Variants in ZNF284 observed in about 807,000 individuals in gnomAD.
ZNF284 encodes zinc finger protein 284.
In ZNF284, 12 loss-of-function variants were observed where a neutral mutation model predicts 12.9. That is an observed-to-expected ratio of 0.93 (90% CI 0.60 to 1.51). The LOEUF is 1.51. Ranked by LOEUF, ZNF284 falls within the 40% of genes most tolerant of loss-of-function variation. ZNF284 has a pLI of 0.00. For synonymous variants in ZNF284, 225 were observed against 236.5 expected (o/e 0.95, Z 0.45); for missense variants, 667 against 707.3 (o/e 0.94, Z 0.65).
intron 4 of ZNF284, among the ~76,000 whole-genome samples, chr19:44,085,054 C>T (rs1371080967): frequency 1.3e-5 from 2 of 152,158 alleles, no homozygotes; most frequent in Non-Finnish European, 2.9e-5. Flanking sequence ...AGGAGCCTTT[C>T]CCGGCTTTCA....
intron 1 of ZNF284, among the ~76,000 whole-genome samples, chr19:44,074,931 C>T (rs975705321): frequency 2.0e-5 from 3 of 152,112 alleles, no homozygotes; most frequent in African/African-American, 7.2e-5. Flanking sequence ...ACCTGGGAGG[C>T]AGAGGCTGCA....
chr19:44,081,390 G>A (rs1967120930), intron 3 of ZNF284, among the ~76,000 whole-genome samples: 1 of 152,098 alleles, frequency 6.6e-6, no homozygotes. Context: ...AAGAAGTGCC[G>A]AGCAAAGGGG....
chr19:44,086,047 T>C lies in ZNF284; in HGVS notation c.569T>C (p.Leu190Pro), dbSNP rs2147509148. 1 of 1,614,178 alleles carries C rather than the reference T, an allele frequency of 6.2e-7. No individual in the cohort carries two copies. The highest frequency in any genetic ancestry group is 1.7e-5 in the Admixed American group (1 of 60,030). The change falls in exon 5 of 5, where the codon CTT (leucine) becomes CCT (proline). Residue 190 changes from leucine (L) to proline (P), a missense_variant. By Grantham distance (98) the Leu-to-Pro change is moderately conservative. Transcript: ENST00000421176. ...YRKRFCYSSA[L>P]CLHQKVHMGE... ...AAGAGATTCTGTTATAGCTCAGCTCTTTGTCTTCATCAGAAAGTTCACATG... is the reference window on the plus strand; with the variant it reads ...AAGAGATTCTGTTATAGCTCAGCTCCTTGTCTTCATCAGAAAGTTCACATG...
chr19:44,083,474 T>TATATATATATATAGAGAGAGAGAGAG (rs746837013), intron 4 of ZNF284, among the ~76,000 whole-genome samples: 1 of 64,926 alleles, frequency 1.5e-5, no homozygotes, highest in Non-Finnish European at 3.4e-5. Context: ...TATATATATA[T>TATATATATATATAGAGAGAGAGAGAG]AGAGAGAGAG....
chr19:44,083,474 T>TATATATATATATATATAGAGAGAGAG (rs746837013), intron 4 of ZNF284, among the ~76,000 whole-genome samples: 1 of 64,924 alleles, frequency 1.5e-5, no homozygotes, highest in Non-Finnish European at 3.4e-5. Context: ...TATATATATA[T>TATATATATATATATATAGAGAGAGAG]AGAGAGAGAG....
chr19:44,083,157 G>A (rs73932780), intron 4 of ZNF284, among the ~76,000 whole-genome samples: 2,153 of 152,028 alleles, frequency 0.014, 42 homozygotes, highest in African/African-American at 0.049. Context: ...AATACCAGCC[G>A]GGCGTGGTGG....
rs776139905 is a variant in ZNF284, at chr19:44,087,119, C to T, written c.1641C>T (p.Ser547=). Residue 547 remains serine (S), a synonymous_variant, in exon 5 of 5, where the codon AGC becomes AGT. Transcript: ENST00000421176. ...TCCAATGTGAGGATTGTGGGAAGAGCAGTGAGCACAGTTCATGCCTTCAAG... is the reference window on the plus strand; with the variant it reads ...TCCAATGTGAGGATTGTGGGAAGAGTAGTGAGCACAGTTCATGCCTTCAAG... ...KLFQCEDCGK[S]SEHSSCLQDQ... 8 of 1,614,006 alleles carry T rather than the reference C, an allele frequency of 5.0e-6. No individual in the cohort carries two copies. The African/African-American group carries it at 8.0e-5, about 16-fold the overall frequency.
rs1360472412 is a variant in ZNF284 at position 44,079,564 on chromosome 19, CCGGGTG to C, written c.16-1450_16-1445del. 1.2e-3 allele frequency among the ~76,000 whole-genome samples: 182 copies of C among 151,792 alleles called. 1 individual carries two copies. The highest frequency in any genetic ancestry group is 2.1e-3 in the Non-Finnish European group (140 of 67,672). On this transcript the variant is annotated intron_variant, in intron 2 of 4. Transcript: ENST00000421176. ...CTCTACTAAAAATACAAAACATTAGCCGGGTGTGGTGGTGGGCGCCTGTAGTCCCAG... is the reference window on the plus strand; with the variant it reads ...CTCTACTAAAAATACAAAACATTAGCTGGTGGTGGGCGCCTGTAGTCCCAG...
chr19:44,084,642 A>G (rs1275697815), intron 4 of ZNF284, among the ~76,000 whole-genome samples: 2 of 152,110 alleles, frequency 1.3e-5, no homozygotes, highest in African/African-American at 4.8e-5. Flanking sequence ...TTCACGGCCC[A>G]TTCCCTAGAG....
Position 44,086,226 on chromosome 19 carries a change from T to C in ZNF284, c.748T>C (p.Cys250Arg). 1 of 1,614,202 alleles carries C rather than the reference T, an allele frequency of 6.2e-7. No homozygotes were observed. The highest frequency in any genetic ancestry group is 8.5e-7 in the Non-Finnish European group (1 of 1,180,038). Residue 250 changes from cysteine to arginine, a missense_variant, in exon 5 of 5, where the codon TGC becomes CGC. Physicochemically the swap from Cys to Arg is radical, Grantham distance 180. Transcript: ENST00000421176. Reference sequence around the variant, plus strand: ...CCGTAGATCAGGAATGTATGTTCATTGCAAATTACACACAGGAGAAAAACC... The same window carrying C: ...CCGTAGATCAGGAATGTATGTTCATCGCAAATTACACACAGGAGAAAAACC... Reference protein sequence around the residue: ...FSRRSGMYVHCKLHTGEKPHI... With the variant: ...FSRRSGMYVHRKLHTGEKPHI...
rs1259789686 is a variant in ZNF284 at position 44,086,129 on chromosome 19, A to G, written c.651A>G (p.Gln217=). The G allele has an allele frequency of 1.2e-6, 2 of 1,614,246 alleles. No homozygotes were observed. The highest frequency in any genetic ancestry group is 1.7e-6 in the Non-Finnish European group (2 of 1,180,032). Residue 217 remains glutamine, a synonymous_variant, in exon 5 of 5, where the codon CAA becomes CAG. Transcript: ENST00000421176. ...VCSKAFSQNS[Q]LQTHQRIHTG... The stretch of plus-strand genomic sequence containing the variant: ...GTAAGGCATTTAGTCAGAACTCACA[A>G]CTGCAAACTCATCAGAGAATCCACA...
At chr19:44,083,060 C>T (rs889142979) in intron 4 of ZNF284, among the ~76,000 whole-genome samples, 2 of 152,128 alleles carry the variant, frequency 1.3e-5, no homozygotes, top group African/African-American at 2.4e-5. Context: ...TACTCTTTCA[C>T]CTCAAGACCT....
intron 2 of ZNF284, among the ~76,000 whole-genome samples, chr19:44,080,743 A>G (rs1401130864): frequency 1.3e-5 from 2 of 152,254 alleles, no homozygotes; most frequent in Non-Finnish European, 2.9e-5. Context: ...AGGATGCTGC[A>G]TTTAGAGTCC....
Position 44,083,452 on chromosome 19 carries a change from T to TAAATAA in ZNF284, c.235+1348_235+1349insAATAAA, listed in dbSNP as rs1341064696. 8.0e-5 allele frequency among the ~76,000 whole-genome samples: 4 copies of TAAATAA among 50,144 alleles called. No individual in the cohort carries two copies. The South Asian group carries it at 2.4e-3, about 30-fold the overall frequency. 32.9% of individuals were successfully genotyped at this position (50,144 alleles called of 152,430 possible). A position where few individuals can be genotyped will look rare whatever the true frequency, so the allele number is the denominator to read the frequency against. ...CTGTCTCAAAAAATAAATAAAGAAATATATATATATATATATATATATAGA... is the reference window on the plus strand; with the variant it reads ...CTGTCTCAAAAAATAAATAAAGAAATAAATAAATATATATATATATATATATATAGA... On this transcript the variant is annotated intron_variant, in intron 4 of 4. Transcript: ENST00000421176.
At position 44,076,311 on chromosome 19, in the gene ZNF284, G is replaced by A; in HGVS notation, c.-68-11G>A. Reference sequence around the variant, plus strand: ...TCTTTTTTTTTTTTTGCCTTCCATGGCATGTTTCAGGCACAATTCTGTCTT... The same window carrying A: ...TCTTTTTTTTTTTTTGCCTTCCATGACATGTTTCAGGCACAATTCTGTCTT... On this transcript the variant is annotated splice_polypyrimidine_tract_variant and intron_variant, in intron 1 of 4. Transcript: ENST00000421176. 6.9e-7 allele frequency: 1 copy of A among 1,441,122 alleles called. No homozygotes were observed. Among genetic ancestry groups the A allele is most frequent in the Non-Finnish European group, 9.5e-7 (1 of 1,054,482 alleles). 89.3% of individuals were successfully genotyped at this position (1,441,122 alleles called of 1,614,324 possible).
In ZNF284 at chr19:44,086,644, A is replaced by G; in HGVS notation, c.1166A>G (p.His389Arg). ...GFRWSSCLSRHQRVHNGETTF... is the reference protein window; with the variant it reads ...GFRWSSCLSRRQRVHNGETTF... ...AGGTGGTCCTCATGTCTTTCAAGAC[A>G]TCAGCGGGTCCACAATGGAGAAACA... Residue 389 changes from histidine (H) to arginine (R), a missense_variant, in exon 5 of 5, where the codon CAT becomes CGT. Coordinates refer to ENST00000421176, the MANE Select transcript of ZNF284 (RefSeq NM_001037813.4). 6.2e-7 allele frequency: 1 copy of G among 1,614,206 alleles called. No homozygotes were observed. The highest frequency in any genetic ancestry group is 8.5e-7 in the Non-Finnish European group (1 of 1,180,016).
At chr19:44,084,994 A>G (rs1328751976) in intron 4 of ZNF284, among the ~76,000 whole-genome samples, 3 of 152,128 alleles carry the variant, frequency 2.0e-5, no homozygotes, top group Non-Finnish European at 2.9e-5. Context: ...TGGAGTGCAC[A>G]GCGGAAATGT....
chr19:44,082,718 C>G (rs892591261), intron 4 of ZNF284, among the ~76,000 whole-genome samples: 3 of 152,184 alleles, frequency 2.0e-5, no homozygotes, highest in Non-Finnish European at 2.9e-5. Flanking sequence ...TGGCTCTTGT[C>G]TCCCTTCCTC....
rs749659034 is a variant in ZNF284 at position 44,086,828 on chromosome 19, G to A, written c.1350G>A (p.Thr450=). 60 of 1,613,868 alleles carry A rather than the reference G, an allele frequency of 3.7e-5. No individual in the cohort carries two copies. Among genetic ancestry groups the A allele is most frequent in the South Asian group, 4.4e-5 (4 of 91,052 alleles). Residue 450 remains threonine, a synonymous_variant, in exon 5 of 5, where the codon ACG becomes ACA. Transcript: ENST00000421176. Reference sequence around the variant, plus strand: ...TTGACTTGCACCAGAGGGTCCACACGGGAGAGAGACCTTATAATTGTAAGG... The same window carrying A: ...TTGACTTGCACCAGAGGGTCCACACAGGAGAGAGACCTTATAATTGTAAGG... ...FNLDLHQRVH[T]GERPYNCKEC... is the part of the protein sequence containing the mutation.
Sources: gnomAD v4.1 joint callset for allele counts (sites outside exome capture counted in the v4.1 genomes callset) on GRCh38, gnomAD v4.1.1 for gene constraint, MANE v1.5 for transcripts, NCBI Gene and HGNC (gene_info 2026-07-23, HGNC 2026-07-21) for gene names.